Variants in DOT1L observed in about 807,000 individuals in gnomAD.
DOT1L encodes DOT1 like histone lysine methyltransferase, also known as histone-lysine N-methyltransferase, H3 lysine-79 specific.
Under a neutral mutation model 153.3 loss-of-function variants are expected in DOT1L, and 33 were observed. The observed-to-expected ratio is 0.22, with a 90% CI of 0.16 to 0.29. The LOEUF is 0.29. Ranked by LOEUF, DOT1L falls within the 10% of genes least tolerant of loss-of-function variation. DOT1L has a pLI of 1.00. For missense variants in DOT1L, 1,847 were observed against 2,119.9 expected, an observed-to-expected ratio of 0.87 and a Z score of 2.53; for synonymous variants, 1,135 against 965.1, an observed-to-expected ratio of 1.18 and a Z score of -3.26.
intron 7 of DOT1L, 127 bp downstream of exon 7, chr19:2,194,704 C>G: frequency 5.3e-6 from 3 of 564,406 alleles, no homozygotes; most frequent in Middle Eastern, 6.4e-4. Flanking sequence ...CCCCTGGAGT[C>G]CCCTCTGGTT....
intron 1 of DOT1L, among the ~76,000 whole-genome samples, chr19:2,168,947 C>T (rs1315323811): frequency 6.6e-6 from 1 of 152,124 alleles, no homozygotes; most frequent in African/African-American, 2.4e-5. Flanking sequence ...ATGGCCCTGC[C>T]CTTCTTCTAG....
chr19:2,226,256 C>T lies in DOT1L; in HGVS notation c.3735C>T (p.Phe1245=), dbSNP rs2024324463. The T allele has an allele frequency of 6.3e-7, 1 of 1,581,802 alleles. No individual in the cohort carries two copies. Among genetic ancestry groups the T allele is most frequent in the Non-Finnish European group, 8.6e-7 (1 of 1,162,554 alleles). ...ATAGCAGCAAGTGGAAGTCCACCTT[C>T]TCGCCCATCTCCGACATCGGCCTGG... The part of the protein sequence containing the change: ...PVNSSKWKST[F]SPISDIGLAK... The change falls in exon 27 of 28, where the codon TTC becomes TTT. Residue 1245 remains phenylalanine, a synonymous_variant. Transcript: ENST00000398665.
intron 27 of DOT1L, 56 bp from the exon 28 acceptor site, chr19:2,229,729 C>G: frequency 6.2e-7 from 1 of 1,611,494 alleles, no homozygotes; most frequent in Non-Finnish European, 8.5e-7. Context: ...GAGTGTTGGG[C>G]TCCCCCAGGC....
rs756337153 is a variant in DOT1L, at chr19:2,222,427, C to G, written c.3258C>G (p.Arg1086=). ...VPSHGQDSRR[R]GRRKRASAGT... ...GCCACGGGCAGGACAGTCGCAGGCG[C>G]GGCCGGCGGAAGCGAGCATCTGCGG... is the stretch of plus-strand genomic sequence containing the variant. The change falls in exon 24 of 28, where the codon CGC becomes CGG. Residue 1086 remains arginine (R), a synonymous_variant. Transcript: ENST00000398665. This position sits in a 1 kb window ranked among gnomAD's most constrained non-coding sequence, Gnocchi z 6.5. 1 of 1,609,786 alleles carries G rather than the reference C, an allele frequency of 6.2e-7. No individual in the cohort carries two copies. Among genetic ancestry groups the G allele is most frequent in the Non-Finnish European group, 8.5e-7 (1 of 1,178,580 alleles).
intron 1 of DOT1L, among the ~76,000 whole-genome samples, chr19:2,173,488 G>A (rs908204685): frequency 3.3e-5 from 5 of 152,226 alleles, no homozygotes; most frequent in Admixed American, 2.6e-4. Context: ...ACAGAGCAGG[G>A]CGTCCTCGGG....
At position 2,164,203 on chromosome 19, in the gene DOT1L, C is replaced by A; in HGVS notation, c.19C>A (p.Leu7Met). Reference protein sequence around the residue: MGEKLELRLKSPVGAEP... With the variant: MGEKLEMRLKSPVGAEP... ...CGCGGACATGGGGGAGAAGCTGGAG[C>A]TGAGACTGAAGTCGCCCGTGGGGGC... The change falls in exon 1 of 28, where the codon CTG (leucine) becomes ATG (methionine). Residue 7 changes from leucine to methionine, a missense_variant. Transcript: ENST00000398665. 1 of 1,272,836 alleles carries A rather than the reference C, an allele frequency of 7.9e-7. No homozygotes were observed. Among genetic ancestry groups the A allele is most frequent in the Non-Finnish European group, 9.9e-7 (1 of 1,007,904 alleles). 78.8% of individuals were successfully genotyped at this position (1,272,836 alleles called of 1,614,324 possible).
rs1056675741 is a variant in DOT1L, at chr19:2,222,868, C to T, written c.3390+309C>T. The T allele has an allele frequency of 2.4e-6, 1 of 414,510 alleles. No homozygotes were observed. The highest frequency in any genetic ancestry group is 5.2e-5 in the South Asian group (1 of 19,312). The allele number at this position is 414,510 out of a possible 1,614,324, so 25.7% of individuals were successfully genotyped here. A position where few individuals can be genotyped will look rare whatever the true frequency, so the allele number is the denominator to read the frequency against. Reference sequence around the variant, plus strand: ...ACTGCCTGGGCCACAGAGCGAGACTCCCTCTCGGGGGGACAAAAAAAAACA... The same window carrying T: ...ACTGCCTGGGCCACAGAGCGAGACTTCCTCTCGGGGGGACAAAAAAAAACA... On this transcript the variant is annotated intron_variant, in intron 24 of 27. Transcript: ENST00000398665. The surrounding 1 kb of genome is among the most constrained non-coding windows in gnomAD (Gnocchi z 6.5).
intron 1 of DOT1L, among the ~76,000 whole-genome samples, chr19:2,170,521 C>T (rs2021556098): frequency 6.6e-6 from 1 of 152,110 alleles, no homozygotes; most frequent in Non-Finnish European, 1.5e-5. Context: ...TTCTGTGTTT[C>T]CTACTGGGCA....
At position 2,210,728 on chromosome 19, in the gene DOT1L, C is replaced by G. The variant is rs376412243; in HGVS notation, c.1224C>G (p.Gly408=). 3.1e-6 allele frequency: 5 copies of G among 1,613,042 alleles called. No homozygotes were observed. In the African/African-American group the frequency reaches 6.7e-5, roughly 22 times the overall value. ...ACAAGAAGGGGAGGAAGATGGCTGG[C>G]CGCAAGCGCGGGCGCCCCAAGAAGA... ...KLNKKGRKMA[G]RKRGRPKKMN... is the part of the protein sequence containing the mutation. The change falls in exon 14 of 28, where the codon GGC becomes GGG. Residue 408 remains glycine, a synonymous_variant. Transcript: ENST00000398665.
intron 12 of DOT1L, 133 bp downstream of exon 12, chr19:2,209,109 G>T: frequency 1.0e-6 from 1 of 984,662 alleles, no homozygotes; most frequent in Non-Finnish European, 1.5e-6. Context: ...GCCCGGCCCT[G>T]TGCCCTTTCC....
intron 26 of DOT1L, 128 bp from the exon 27 acceptor site, chr19:2,226,055 C>A: frequency 1.9e-6 from 2 of 1,029,826 alleles, no homozygotes; most frequent in Non-Finnish European, 2.7e-6. Flanking sequence ...TCCCGCTTGG[C>A]ATCTTGAGTG....
Position 2,213,953 on chromosome 19 carries a change from C to G in DOT1L, c.1764C>G (p.Asp588Glu), listed in dbSNP as rs79749205. Reference protein sequence around the residue: ...LREQSEQLEQDNRALRGQSLQ... With the variant: ...LREQSEQLEQENRALRGQSLQ... ...AGCAGTCGGAGCAGCTGGAGCAGGA[C>G]AACCGCGCGCTCCGCGGCCAGAGCT... is the stretch of plus-strand genomic sequence containing the variant. The change falls in exon 18 of 28, where the codon GAC (aspartate) becomes GAG (glutamate). Residue 588 changes from aspartate to glutamate, a missense_variant. Physicochemically the swap from Asp to Glu is conservative, Grantham distance 45 (BLOSUM62 2). Transcript: ENST00000398665. 3.8e-5 allele frequency: 62 copies of G among 1,612,898 alleles called. No individual in the cohort carries two copies. The East Asian group carries it at 1.3e-3, about 34-fold the overall frequency.
chr19:2,186,189 G>GCTAGTGAT (rs1470412554), intron 3 of DOT1L, among the ~76,000 whole-genome samples: 1 of 152,264 alleles, frequency 6.6e-6, no homozygotes, highest in Non-Finnish European at 1.5e-5. Context: ...GTCAGCCCGC[G>GCTAGTGAT]CTAGTGATCG....
chr19:2,212,352 CG>C (rs1236629651), intron 16 of DOT1L: 1 of 153,058 alleles, frequency 6.5e-6, no homozygotes, highest in Non-Finnish European at 1.5e-5. Context: ...TTAGTAGAGA[CG>C]GGGTCTCACT....
At chr19:2,171,665 G>A (rs1272271849) in intron 1 of DOT1L, among the ~76,000 whole-genome samples, 3 of 152,204 alleles carry the variant, frequency 2.0e-5, no homozygotes, top group Admixed American at 2.0e-4. Flanking sequence ...CCTGGGGGTA[G>A]CCCTGCTTTT....
rs530743556 is a variant in DOT1L at position 2,222,033 on chromosome 19, C to A, written c.2864C>A (p.Ser955Tyr). The change falls in exon 24 of 28, where the codon TCT becomes TAT. Residue 955 changes from serine (S) to tyrosine (Y), a missense_variant. Ser to Tyr is a moderately radical substitution (Grantham distance 144, BLOSUM62 -2). Transcript: ENST00000398665. This position sits in a 1 kb window ranked among gnomAD's most constrained non-coding sequence, Gnocchi z 6.5. Reference protein sequence around the residue: ...ISGALAGSPASLTPGAEPATL... With the variant: ...ISGALAGSPAYLTPGAEPATL... ...GGGGCCTTGGCGGGCAGCCCGGCCTCTCTCACACCTGGAGCCGAGCCGGCC... is the reference window on the plus strand; with the variant it reads ...GGGGCCTTGGCGGGCAGCCCGGCCTATCTCACACCTGGAGCCGAGCCGGCC... The A allele has an allele frequency of 6.2e-7, 1 of 1,612,770 alleles. No homozygotes were observed. The highest frequency in any genetic ancestry group is 8.5e-7 in the Non-Finnish European group (1 of 1,179,788).
At chr19:2,195,358 G>C (rs900625666) in intron 7 of DOT1L, among the ~76,000 whole-genome samples, 7 of 152,124 alleles carry the variant, frequency 4.6e-5, no homozygotes, top group African/African-American at 1.7e-4. Context: ...TGACCTGTGT[G>C]CTCCTCCTCA....
chr19:2,171,445 A>C (rs532966549), intron 1 of DOT1L, among the ~76,000 whole-genome samples: 1 of 152,230 alleles, frequency 6.6e-6, no homozygotes, highest in Admixed American at 6.5e-5. Context: ...CTCTGCCCCC[A>C]GGGGACACCT....
intron 1 of DOT1L, among the ~76,000 whole-genome samples, chr19:2,178,782 GTC>G (rs2022086317): frequency 6.6e-6 from 1 of 152,074 alleles, no homozygotes; most frequent in African/African-American, 2.4e-5. Flanking sequence ...AGCCAGGATG[GTC>G]TCTATCTCCT....
Sources: gnomAD v4.1 joint callset for allele counts (sites outside exome capture counted in the v4.1 genomes callset) on GRCh38, gnomAD v4.1.1 for gene constraint, Gnocchi (gnomAD v3.1) non-coding constraint, MANE v1.5 for transcripts, NCBI Gene and HGNC (gene_info 2026-07-23, HGNC 2026-07-21) for gene names.